PPEF1: variants seen among roughly 807,000 people sequenced by gnomAD.
The protein encoded by PPEF1 is serine/threonine-protein phosphatase with EF-hands 1.
A neutral mutation model predicts 53.3 loss-of-function variants in PPEF1; 12 were observed. The ratio of observed to expected loss-of-function variants is 0.23; its 90% CI spans 0.14 to 0.36. The LOEUF (loss-of-function observed/expected upper bound fraction) is 0.36. Among genes scored for constraint, PPEF1 ranks in the 10% least tolerant of loss-of-function variants. The pLI is 1.00. For missense variants in PPEF1, 334 were observed against 490.4 expected, an observed-to-expected ratio of 0.68 and a Z score of 3.01; for synonymous variants, 165 against 176.7, an observed-to-expected ratio of 0.93 and a Z score of 0.52.
chrX:18,749,519 C>T (rs1035903323), intron 3 of PPEF1, among the ~76,000 whole-genome samples: 2 of 111,350 alleles, frequency 1.8e-5, no homozygotes, highest in East Asian at 2.8e-4. Flanking sequence ...GGCTAGTTTT[C>T]CCTGTGCTTC....
chrX:18,710,865 T>C (rs1325955549), intron 1 of PPEF1, among the ~76,000 whole-genome samples: 2 of 109,000 alleles, frequency 1.8e-5, no homozygotes, highest in Non-Finnish European at 3.8e-5. Context: ...TTATATCAAA[T>C]AGATATCTAC....
rs183700498 is a variant in PPEF1 at position 18,785,969 on chromosome X, A to C, written c.912+1921A>C. Among the ~76,000 whole-genome samples the C allele has an allele frequency of 2.6e-3, 289 of 112,203 alleles. 2 individuals are homozygous for C. The highest frequency in any genetic ancestry group is 8.8e-3 in the African/African-American group (273 of 30,930). On this transcript the variant is annotated intron_variant, in intron 9 of 15. Transcript: ENST00000470157. ...CATTATATCAGTGAGTAATCAAGCCAATAAGACATTTTGATCAAGATATAA... is the reference window on the plus strand; with the variant it reads ...CATTATATCAGTGAGTAATCAAGCCCATAAGACATTTTGATCAAGATATAA...
intron 7 of PPEF1, among the ~76,000 whole-genome samples, chrX:18,781,074 T>TG (rs1395730735): frequency 8.6e-5 from 2 of 23,337 alleles, no homozygotes; most frequent in African/African-American, 3.1e-4. Flanking sequence ...AAAAAAAGGG[T>TG]GGGGGGAGGG....
intron 3 of PPEF1, among the ~76,000 whole-genome samples, chrX:18,738,960 G>T (rs746298730): frequency 8.9e-6 from 1 of 112,294 alleles, no homozygotes; most frequent in East Asian, 2.8e-4. Context: ...TTCTCGTGCC[G>T]TGGTTTTCAG....
At position 18,711,776 on chromosome X, in the gene PPEF1, C is replaced by T. The variant is rs181054747; in HGVS notation, c.46+3950C>T. Among the ~76,000 whole-genome samples, 337 of 87,359 alleles carry T rather than the reference C, an allele frequency of 3.9e-3. 1 individual carries two copies. The highest frequency in any genetic ancestry group is 0.014 in the African/African-American group (317 of 22,731). The allele number at this position is 87,359 out of a possible 115,157, so 75.9% of individuals were successfully genotyped here. On this transcript the variant is annotated intron_variant, in intron 1 of 15. Transcript: ENST00000470157. ...TAGCTTTTTTTTTTTTTTTTTGAGA[C>T]GGAGTCTTACTCTTGTAGCCCAGGC...
intron 4 of PPEF1, among the ~76,000 whole-genome samples, chrX:18,756,815 C>G (rs1254301751): frequency 1.8e-5 from 2 of 112,331 alleles, no homozygotes; most frequent in Non-Finnish European, 3.8e-5. Flanking sequence ...AAAAAGAAAA[C>G]TTCCCCTTTA....
chrX:18,694,160 C>A (rs1646805729), intron 4 of PPEF1, among the ~76,000 whole-genome samples: 1 of 111,946 alleles, frequency 8.9e-6, no homozygotes, highest in African/African-American at 3.2e-5. Flanking sequence ...TGCTAAGTAG[C>A]ATTTCATTGT....
At chrX:18,753,881 G>A (rs191112373) in intron 4 of PPEF1, among the ~76,000 whole-genome samples, 2 of 111,128 alleles carry the variant, frequency 1.8e-5, no homozygotes, top group African/African-American at 3.3e-5. Flanking sequence ...GGTCTATCCT[G>A]GAGAATGTTC....
chrX:18,778,891 G>A (rs777404645), intron 6 of PPEF1, 119 bp from the exon 7 acceptor site: 235 of 740,482 alleles, frequency 3.2e-4, no homozygotes, highest in Non-Finnish European at 4.3e-4. Flanking sequence ...GATTTTTCCC[G>A]GTGGAAGAAC....
At chrX:18,735,487 G>A (rs1260216156) in intron 3 of PPEF1, among the ~76,000 whole-genome samples, 1 of 111,665 alleles carries the variant, frequency 9.0e-6, no homozygotes, top group Non-Finnish European at 1.9e-5. Flanking sequence ...ATTGGTCTAT[G>A]TCTCTGTTTT....
upstream of PPEF1, among the ~76,000 whole-genome samples, chrX:18,682,860 G>A (rs1416014397): frequency 3.6e-5 from 4 of 111,133 alleles, no homozygotes; most frequent in South Asian, 3.8e-4. Flanking sequence ...CTGTTCTCAC[G>A]CTGCTAATAA....
chrX:18,702,055 G>A (rs951168235), intron 6 of PPEF1, among the ~76,000 whole-genome samples: 1 of 111,878 alleles, frequency 8.9e-6, no homozygotes, highest in African/African-American at 3.3e-5. Context: ...ATAAGTAATT[G>A]CTCCACTGTT....
At chrX:18,710,091 T>C (rs1602365963) in intron 1 of PPEF1, among the ~76,000 whole-genome samples, 1 of 112,281 alleles carries the variant, frequency 8.9e-6, no homozygotes, top group African/African-American at 3.2e-5. Flanking sequence ...TTCATTTGTA[T>C]TTCAGTAGTG....
At chrX:18,676,023 C>G (rs1450242968) in exon 1 of PPEF1, 2 of 103,329 alleles carry the variant, frequency 1.9e-5, no homozygotes, top group African/African-American at 7.2e-5. Flanking sequence ...GTCCTTTTCT[C>G]TGGATCTTCT....
chrX:18,791,354 A>G (rs1010518277), intron 10 of PPEF1, among the ~76,000 whole-genome samples: 1 of 112,003 alleles, frequency 8.9e-6, no homozygotes, highest in African/African-American at 3.2e-5. Flanking sequence ...ATGTCTTTCC[A>G]TTTATTTAGA....
intron 6 of PPEF1, among the ~76,000 whole-genome samples, chrX:18,776,934 G>GA (rs1234592333): frequency 4.5e-5 from 5 of 112,130 alleles, no homozygotes; most frequent in African/African-American, 1.6e-4. Flanking sequence ...AAAAGAAAAA[G>GA]AAAATATTGG....
At chrX:18,686,655 T>G (rs909274252) in intron 3 of PPEF1, among the ~76,000 whole-genome samples, 8 of 110,775 alleles carry the variant, frequency 7.2e-5, no homozygotes, top group Non-Finnish European at 1.3e-4. Context: ...GGGGGTGATT[T>G]CGAAAAGGAA....
chrX:18,727,259 G>T (rs935484017), intron 1 of PPEF1, among the ~76,000 whole-genome samples: 1 of 111,228 alleles, frequency 9.0e-6, no homozygotes, highest in Non-Finnish European at 1.9e-5. Flanking sequence ...TGCCTAGGAA[G>T]TGGCACTGGA....
intron 1 of PPEF1, among the ~76,000 whole-genome samples, chrX:18,708,327 CA>C (rs1286049940): frequency 1.8e-5 from 2 of 110,492 alleles, no homozygotes; most frequent in Non-Finnish European, 3.8e-5. Context: ...CATCTGTTTC[CA>C]AAAAAAAGGT....
Sources: gnomAD v4.1 joint callset for allele counts (sites outside exome capture counted in the v4.1 genomes callset) on GRCh38, gnomAD v4.1.1 for gene constraint, MANE v1.5 for transcripts, NCBI Gene and HGNC (gene_info 2026-07-23, HGNC 2026-07-21) for gene names.